The following KAZN variants were observed in gnomAD, a reference collection of about 807,000 sequenced individuals.
KAZN encodes the protein kazrin, periplakin interacting protein.
In KAZN, 40 loss-of-function variants were observed where a neutral mutation model predicts 87.4. The observed-to-expected ratio is 0.46, with a 90% CI of 0.36 to 0.60. The LOEUF is 0.60. Among genes scored for constraint, KAZN ranks in the 20% least tolerant of loss-of-function variants. The pLI is 0.00. For missense variants in KAZN, 898 were observed against 1,073.9 expected, an observed-to-expected ratio of 0.84 and a Z score of 2.29; for synonymous variants, 466 against 458.3, an observed-to-expected ratio of 1.02 and a Z score of -0.22.
intron 1 of KAZN, among the ~76,000 whole-genome samples, chr1:14,070,654 T>C (rs1643212761): frequency 6.6e-6 from 1 of 152,234 alleles, no homozygotes; most frequent in African/African-American, 2.4e-5. Flanking sequence ...TTACCATATA[T>C]GTGTGCTAGT....
At chr1:13,953,284 ATC>A (rs1379135016) in intron 1 of KAZN, among the ~76,000 whole-genome samples, 1 of 152,156 alleles carries the variant, frequency 6.6e-6, no homozygotes, top group Non-Finnish European at 1.5e-5. Flanking sequence ...ACCTCTCAGA[ATC>A]TGGAGATACT....
chr1:14,164,976 G>A (rs191689124), intron 1 of KAZN, among the ~76,000 whole-genome samples: 1 of 152,290 alleles, frequency 6.6e-6, no homozygotes, highest in Non-Finnish European at 1.5e-5. Context: ...CTTTTCCAGG[G>A]TGTCGGTCTT....
chr1:15,007,265 C>G (rs1334893444), intron 2 of KAZN, among the ~76,000 whole-genome samples: 1 of 152,040 alleles, frequency 6.6e-6, no homozygotes, highest in Non-Finnish European at 1.5e-5. Flanking sequence ...AACCAGAGCA[C>G]TAGGTGAGGG....
intron 1 of KAZN, among the ~76,000 whole-genome samples, chr1:14,904,880 G>A (rs535350744): frequency 1.6e-4 from 24 of 152,146 alleles, no homozygotes; most frequent in Admixed American, 5.2e-4. Flanking sequence ...TCCTGCCTCC[G>A]CCTCCCAAGT....
intron 2 of KAZN, among the ~76,000 whole-genome samples, chr1:14,332,579 C>G (rs879878454): frequency 6.6e-6 from 1 of 152,120 alleles, no homozygotes. Flanking sequence ...TGCTCTCATG[C>G]CCCAGCCTGG....
chr1:14,244,542 T>C (rs748796985), intron 2 of KAZN, among the ~76,000 whole-genome samples: 13 of 152,076 alleles, frequency 8.5e-5, no homozygotes, highest in Non-Finnish European at 1.3e-4. Flanking sequence ...TGAGGTTCTA[T>C]TGGGACACGA....
chr1:15,047,446 T>C (rs536021120), intron 4 of KAZN, among the ~76,000 whole-genome samples: 24 of 151,428 alleles, frequency 1.6e-4, no homozygotes, highest in African/African-American at 4.8e-4. Flanking sequence ...AGTGGGGAGG[T>C]GGAGGGCGCA....
chr1:14,482,393 A>G (rs2148393876), intron 2 of KAZN, among the ~76,000 whole-genome samples: 1 of 152,148 alleles, frequency 6.6e-6, no homozygotes, highest in East Asian at 1.9e-4. Context: ...ACTAGAGCTC[A>G]CGGCTAAGAG....
rs571751785 is a variant in KAZN, at chr1:14,022,110, A to G, written c.91+128354A>G. On this transcript the variant is annotated intron_variant, in intron 1 of 16. Transcript: ENST00000636203. The stretch of plus-strand genomic sequence containing the variant: ...TGATTTCATATCTTGTTGAGTGGTG[A>G]TGAGGGTAGGTGAGGACTGAATAAT... Among the ~76,000 whole-genome samples the G allele has an allele frequency of 3.3e-5, 5 of 152,158 alleles. No individual in the cohort carries two copies. The South Asian group carries it at 1.0e-3, about 32-fold the overall frequency.
intron 1 of KAZN, among the ~76,000 whole-genome samples, chr1:13,910,889 G>A (rs1189529487): frequency 1.3e-5 from 2 of 151,910 alleles, no homozygotes; most frequent in African/African-American, 4.8e-5. Context: ...GGTTTTATTG[G>A]CTCACAATTC....
intron 1 of KAZN, among the ~76,000 whole-genome samples, chr1:14,142,040 C>A (rs1645251053): frequency 6.6e-6 from 1 of 150,628 alleles, no homozygotes; most frequent in South Asian, 2.1e-4. Context: ...GTTTATTTAT[C>A]TACTGTAGAA....
At chr1:15,080,588 A>G (rs1286789726) in intron 8 of KAZN, among the ~76,000 whole-genome samples, 1 of 152,204 alleles carries the variant, frequency 6.6e-6, no homozygotes, top group African/African-American at 2.4e-5. Context: ...GGGGCTTGTG[A>G]CTGAGGGATC....
chr1:14,393,203 A>C (rs1300988666), intron 2 of KAZN, among the ~76,000 whole-genome samples: 2 of 152,202 alleles, frequency 1.3e-5, no homozygotes, highest in Non-Finnish European at 2.9e-5. Flanking sequence ...AGGGCTCCAA[A>C]CAGGCACTTT....
intron 1 of KAZN, among the ~76,000 whole-genome samples, chr1:14,821,972 G>C (rs1646749021): frequency 6.6e-6 from 1 of 152,184 alleles, no homozygotes; most frequent in Non-Finnish European, 1.5e-5. Context: ...GTGAAATACT[G>C]ACCGTCTCCC....
intron 2 of KAZN, among the ~76,000 whole-genome samples, chr1:14,976,389 T>G (rs2101869223): frequency 6.6e-6 from 1 of 152,288 alleles, no homozygotes; most frequent in African/African-American, 2.4e-5. Context: ...ACCGCAGGAC[T>G]TAGGCCTGAG....
At chr1:14,370,029 C>T (rs986718332) in intron 2 of KAZN, among the ~76,000 whole-genome samples, 5 of 152,158 alleles carry the variant, frequency 3.3e-5, no homozygotes, top group Non-Finnish European at 7.3e-5. Flanking sequence ...GCCTTTTGGC[C>T]CCTCTCCAGC....
At chr1:14,454,782 G>A (rs1379792324) in intron 2 of KAZN, among the ~76,000 whole-genome samples, 1 of 152,200 alleles carries the variant, frequency 6.6e-6, no homozygotes, top group Non-Finnish European at 1.5e-5. Flanking sequence ...TAAGAGAGGT[G>A]TGTATTAGTT....
intron 1 of KAZN, among the ~76,000 whole-genome samples, chr1:13,977,876 C>T (rs1239206427): frequency 1.2e-4 from 19 of 152,088 alleles, no homozygotes; most frequent in Admixed American, 9.2e-4. Context: ...GCCTGTAATC[C>T]CAGCACTTTG....
intron 2 of KAZN, among the ~76,000 whole-genome samples, chr1:14,345,940 A>G (rs1461188606): frequency 3.3e-5 from 5 of 152,222 alleles, no homozygotes; most frequent in Non-Finnish European, 7.3e-5. Context: ...CAGGTGTGAG[A>G]GGAGGGGGCA....
Sources: gnomAD v4.1 joint callset for allele counts (sites outside exome capture counted in the v4.1 genomes callset) on GRCh38, gnomAD v4.1.1 for gene constraint, MANE v1.5 for transcripts, NCBI Gene and HGNC (gene_info 2026-07-23, HGNC 2026-07-21) for gene names.